The following MGAT5 variants were observed in gnomAD, a reference collection of about 807,000 sequenced individuals.
The protein encoded by MGAT5 is alpha-1,6-mannosylglycoprotein 6-beta-N-acetylglucosaminyltransferase A.
In MGAT5, 30 loss-of-function variants were observed where a neutral mutation model predicts 94.3. The ratio of observed to expected loss-of-function variants is 0.32; its 90% CI spans 0.24 to 0.43. The LOEUF is 0.43. MGAT5 is among the 20% of genes least tolerant of loss of function. The pLI is 1.00. For missense variants in MGAT5, 691 were observed against 905.5 expected (o/e 0.76, Z 3.04); for synonymous variants, 310 against 322.9 (o/e 0.96, Z 0.43).
chr2:134,220,247 C>G (rs538322257), intron 1 of MGAT5, among the ~76,000 whole-genome samples: 1 of 152,186 alleles, frequency 6.6e-6, no homozygotes, highest in Non-Finnish European at 1.5e-5. Flanking sequence ...CAGGAGACTG[C>G]ATTTCCAAAT....
intron 1 of MGAT5, among the ~76,000 whole-genome samples, chr2:134,140,466 G>A (rs935264858): frequency 6.6e-6 from 1 of 152,214 alleles, no homozygotes; most frequent in Non-Finnish European, 1.5e-5. Flanking sequence ...ACAAAAGTGG[G>A]CGAGTTGGGT....
At chr2:134,153,199 C>A (rs569663084) in intron 1 of MGAT5, among the ~76,000 whole-genome samples, 6 of 152,246 alleles carry the variant, frequency 3.9e-5, no homozygotes, top group Middle Eastern at 3.4e-3. Flanking sequence ...GGATTACTGG[C>A]GTGAGCCACC....
At chr2:134,137,324 A>G (rs1001837935) in intron 1 of MGAT5, among the ~76,000 whole-genome samples, 2 of 152,218 alleles carry the variant, frequency 1.3e-5, no homozygotes, top group African/African-American at 4.8e-5. Flanking sequence ...CGCCATAGGA[A>G]TGCACTTCCT....
At chr2:134,235,029 A>G (rs1268995819) in intron 1 of MGAT5, among the ~76,000 whole-genome samples, 1 of 152,040 alleles carries the variant, frequency 6.6e-6, no homozygotes, top group African/African-American at 2.4e-5. Context: ...ATTTAAGAAT[A>G]CACAGATTTG....
At chr2:134,438,425 T>C (rs776250848) in intron 14 of MGAT5, among the ~76,000 whole-genome samples, 9 of 152,234 alleles carry the variant, frequency 5.9e-5, no homozygotes, top group Non-Finnish European at 1.3e-4. Flanking sequence ...CCAATGCCCA[T>C]GCCCCCACTC....
chr2:134,178,570 A>G (rs1422800511), intron 1 of MGAT5, among the ~76,000 whole-genome samples: 1 of 152,214 alleles, frequency 6.6e-6, no homozygotes, highest in Admixed American at 6.5e-5. Context: ...AGCTTGGGAA[A>G]TGTAGTTTCC....
rs374224758 is a variant in MGAT5, at chr2:134,342,579, C to A, written c.977+820C>A. 2.6e-4 allele frequency among the ~76,000 whole-genome samples: 39 copies of A among 152,180 alleles called. No individual in the cohort carries two copies. In the South Asian group the frequency reaches 7.7e-3, roughly 30 times the overall value. ...ACAACCTGGCCAACATGGTGAGACC[C>A]TGTCTGTACTAAAAATACAAGAATT... On this transcript the variant is annotated intron_variant, in intron 7 of 15. Coordinates refer to ENST00000281923, the MANE Select transcript of MGAT5 (RefSeq NM_002410.5).
At chr2:134,179,815 G>C (rs1462195573) in intron 1 of MGAT5, among the ~76,000 whole-genome samples, 2 of 152,210 alleles carry the variant, frequency 1.3e-5, no homozygotes, top group African/African-American at 4.8e-5. Flanking sequence ...CCAGGAGGCA[G>C]GGCATTCTTA....
chr2:134,145,562 G>T (rs1686881603), intron 1 of MGAT5, among the ~76,000 whole-genome samples: 1 of 152,062 alleles, frequency 6.6e-6, no homozygotes, highest in African/African-American at 2.4e-5. Context: ...AGAGAACCTG[G>T]GATGCAATTT....
At chr2:134,158,029 A>AG (rs1352101432) in intron 1 of MGAT5, among the ~76,000 whole-genome samples, 2 of 152,194 alleles carry the variant, frequency 1.3e-5, no homozygotes, top group African/African-American at 4.8e-5. Flanking sequence ...AGTCTGGCTG[A>AG]GTCCAGCATT....
intron 1 of MGAT5, among the ~76,000 whole-genome samples, chr2:134,164,791 G>C (rs1687888890): frequency 6.6e-6 from 1 of 151,324 alleles, no homozygotes; most frequent in Non-Finnish European, 1.5e-5. Context: ...AATTGGGCCT[G>C]TGAATAGCCA....
At chr2:134,186,108 C>G (rs1016647044) in intron 1 of MGAT5, among the ~76,000 whole-genome samples, 3 of 152,222 alleles carry the variant, frequency 2.0e-5, no homozygotes, top group African/African-American at 7.2e-5. Context: ...GAAGACTGAT[C>G]CCAAATTGTC....
intron 1 of MGAT5, among the ~76,000 whole-genome samples, chr2:134,231,757 A>C (rs1258038531): frequency 6.6e-6 from 1 of 152,150 alleles, no homozygotes; most frequent in Non-Finnish European, 1.5e-5. Context: ...GGGAAAGATC[A>C]CTGGGTTTGT....
At chr2:134,224,251 G>A (rs1052221730) in intron 1 of MGAT5, among the ~76,000 whole-genome samples, 2 of 152,176 alleles carry the variant, frequency 1.3e-5, no homozygotes, top group African/African-American at 2.4e-5. Context: ...CATGATCTGT[G>A]GGAAGTTTCC....
chr2:134,166,626 A>G (rs1380345069), intron 1 of MGAT5, among the ~76,000 whole-genome samples: 1 of 152,358 alleles, frequency 6.6e-6, no homozygotes, highest in East Asian at 1.9e-4. Context: ...ACATGTTGGT[A>G]TTCACAATTC....
intron 1 of MGAT5, among the ~76,000 whole-genome samples, chr2:134,265,335 A>G (rs6735741): frequency 0.14 from 21,919 of 152,128 alleles, 2,562 homozygotes; most frequent in East Asian, 0.36. Flanking sequence ...TGAATTCCAG[A>G]GATGGAGAAA....
chr2:134,349,821 C>T lies in MGAT5; in HGVS notation c.1129C>T (p.Leu377Phe). 1 of 1,613,506 alleles carries T rather than the reference C, an allele frequency of 6.2e-7. No homozygotes were observed. The highest frequency in any genetic ancestry group is 8.5e-7 in the Non-Finnish European group (1 of 1,179,624). The change falls in exon 9 of 16, where the codon CTT becomes TTT. Residue 377 changes from leucine to phenylalanine, a missense_variant. Physicochemically the swap from Leu to Phe is conservative, Grantham distance 22 (BLOSUM62 0). This residue lies in a region of MGAT5 where 121 missense variants were observed against 206.1 expected (regional missense o/e 0.59). Coordinates refer to ENST00000281923, the MANE Select transcript of MGAT5 (RefSeq NM_002410.5). ...WVHYQCMLRVLDSFGTEPEFN... is the reference protein window; with the variant it reads ...WVHYQCMLRVFDSFGTEPEFN... The stretch of plus-strand genomic sequence containing the variant: ...TTCTTTCAGGTGCATGCTCCGAGTC[C>T]TTGATTCATTTGGTACTGAACCCGA...
chr2:134,273,437 T>A (rs1290311597), intron 2 of MGAT5, among the ~76,000 whole-genome samples: 1 of 152,218 alleles, frequency 6.6e-6, no homozygotes, highest in Non-Finnish European at 1.5e-5. Context: ...CTCAGAAATG[T>A]TCTCCCTGGT....
chr2:134,365,315 A>T (rs373218066), intron 10 of MGAT5, among the ~76,000 whole-genome samples: 1 of 152,136 alleles, frequency 6.6e-6, no homozygotes, highest in Non-Finnish European at 1.5e-5. Flanking sequence ...ACTCCCTCCA[A>T]TGTTGGCTGA....
Sources: allele counts gnomAD v4.1 joint callset (sites outside exome capture counted in the v4.1 genomes callset), GRCh38; gene constraint gnomAD v4.1.1; regional missense constraint gnomAD v4.1.1; transcripts MANE v1.5; gene names NCBI Gene and HGNC (gene_info 2026-07-23, HGNC 2026-07-21).